FCHSD2: variants seen among roughly 807,000 people sequenced by gnomAD.
FCHSD2 encodes the protein F-BAR and double SH3 domains protein 2.
In FCHSD2, 38 loss-of-function variants were observed where a neutral mutation model predicts 108.1. The ratio of observed to expected loss-of-function variants is 0.35; its 90% confidence interval spans 0.27 to 0.46. The LOEUF is 0.46. Ranked by LOEUF, FCHSD2 falls within the 20% of genes least tolerant of loss-of-function variation. The pLI is 1.00. For missense variants in FCHSD2, 751 were observed against 897.8 expected, an observed-to-expected ratio of 0.84 and a Z score of 2.09; for synonymous variants, 279 against 314.7, an observed-to-expected ratio of 0.89 and a Z score of 1.20.
chr11:73,048,042 C>T (rs2135471994), intron 3 of FCHSD2, among the ~76,000 whole-genome samples: 1 of 151,532 alleles, frequency 6.6e-6, no homozygotes, highest in African/African-American at 2.4e-5. Flanking sequence ...ACTGTGAAAA[C>T]ATGAGTTATT....
At chr11:72,885,206 T>A (rs2135241616) in intron 12 of FCHSD2, among the ~76,000 whole-genome samples, 1 of 133,024 alleles carries the variant, frequency 7.5e-6, no homozygotes, top group South Asian at 2.7e-4. Context: ...TTACTTAGGC[T>A]ATTTTTTGTA....
intron 10 of FCHSD2, among the ~76,000 whole-genome samples, chr11:72,890,768 T>C (rs1426477569): frequency 2.0e-5 from 3 of 152,072 alleles, no homozygotes; most frequent in East Asian, 3.9e-4. Flanking sequence ...CTGGATGTCC[T>C]AGATGTTAAA....
chr11:73,059,659 G>C (rs1478055177), intron 3 of FCHSD2, among the ~76,000 whole-genome samples: 1 of 152,112 alleles, frequency 6.6e-6, no homozygotes, highest in African/African-American at 2.4e-5. Context: ...GGTACCAAAT[G>C]AAGTCCTGAG....
chr11:73,134,153 T>C (rs904278991), intron 2 of FCHSD2, among the ~76,000 whole-genome samples: 3 of 151,466 alleles, frequency 2.0e-5, no homozygotes, highest in South Asian at 4.2e-4. Context: ...TCTTTCTAGA[T>C]ACAACAGTCT....
At chr11:72,860,956 G>GA (rs1279755784) in intron 13 of FCHSD2, among the ~76,000 whole-genome samples, 4 of 152,030 alleles carry the variant, frequency 2.6e-5, no homozygotes, top group African/African-American at 9.7e-5. Context: ...TCAAAAAGAA[G>GA]AAAACTCTCA....
chr11:73,108,540 T>G (rs1438135576), intron 2 of FCHSD2, among the ~76,000 whole-genome samples: 1 of 138,132 alleles, frequency 7.2e-6, no homozygotes, highest in Non-Finnish European at 1.6e-5. Flanking sequence ...AGATTGAGAT[T>G]TTAGATTTAA....
intron 8 of FCHSD2, among the ~76,000 whole-genome samples, chr11:72,966,112 C>A (rs936862709): frequency 6.6e-6 from 1 of 150,924 alleles, no homozygotes; most frequent in African/African-American, 2.4e-5. Flanking sequence ...GTGATGGATA[C>A]ATCTACAGGG....
intron 2 of FCHSD2, among the ~76,000 whole-genome samples, chr11:73,085,636 A>C (rs1023121031): frequency 6.6e-6 from 1 of 152,174 alleles, no homozygotes; most frequent in Non-Finnish European, 1.5e-5. Context: ...GGTTCACAAA[A>C]GACTTCAGAA....
chr11:73,057,575 T>C (rs1393649025), intron 3 of FCHSD2, among the ~76,000 whole-genome samples: 1 of 152,058 alleles, frequency 6.6e-6, no homozygotes, highest in Non-Finnish European at 1.5e-5. Context: ...AACATCTATA[T>C]AAGGAATATT....
intron 12 of FCHSD2, among the ~76,000 whole-genome samples, chr11:72,876,516 A>T (rs778101459): frequency 6.6e-6 from 1 of 152,194 alleles, no homozygotes; most frequent in African/African-American, 2.4e-5. Context: ...TTTTAATATA[A>T]GCCTAATTAA....
chr11:73,041,193 G>A (rs1048385357), intron 3 of FCHSD2, among the ~76,000 whole-genome samples: 7 of 152,234 alleles, frequency 4.6e-5, no homozygotes, highest in Middle Eastern at 3.4e-3. Flanking sequence ...ACAAACTTGG[G>A]GGTGCAGATA....
chr11:73,105,188 A>T (rs1860313380), intron 2 of FCHSD2, among the ~76,000 whole-genome samples: 1 of 152,218 alleles, frequency 6.6e-6, no homozygotes, highest in Non-Finnish European at 1.5e-5. Context: ...AGCTCTGGTT[A>T]GGTGGGGGGA....
At chr11:72,962,481 G>C (rs1856834386) in intron 8 of FCHSD2, among the ~76,000 whole-genome samples, 1 of 152,136 alleles carries the variant, frequency 6.6e-6, no homozygotes, top group African/African-American at 2.4e-5. Flanking sequence ...TCTGGTATAA[G>C]CGATTGATAT....
intron 5 of FCHSD2, among the ~76,000 whole-genome samples, chr11:72,992,218 C>A (rs1256652579): frequency 6.6e-6 from 1 of 152,072 alleles, no homozygotes. Flanking sequence ...ATGTGAAGGA[C>A]CTCTTCAAGG....
chr11:72,856,465 C>T (rs1861431747), intron 13 of FCHSD2, among the ~76,000 whole-genome samples: 1 of 152,114 alleles, frequency 6.6e-6, no homozygotes, highest in Admixed American at 6.6e-5. Flanking sequence ...TCAAAATGTC[C>T]TTCTGTATCC....
intron 3 of FCHSD2, among the ~76,000 whole-genome samples, chr11:73,041,662 AC>A (rs1858642409): frequency 6.6e-6 from 1 of 152,134 alleles, no homozygotes; most frequent in Admixed American, 6.6e-5. Flanking sequence ...TTAAACGAAT[AC>A]TTGCAAATAC....
chr11:73,015,854 T>C lies in FCHSD2; in HGVS notation c.197A>G (p.Lys66Arg). 6.2e-7 allele frequency: 1 copy of C among 1,606,224 alleles called. No individual in the cohort carries two copies. Reference sequence around the variant, plus strand: ...AGCTTTTACTCCAGGCCAATCTCTCTTCAGGTATTGACTAGCCAACTTCTG... The same window carrying C: ...AGCTTTTACTCCAGGCCAATCTCTCCTCAGGTATTGACTAGCCAACTTCTG... ...GMQKLASQYL[K>R]RDWPGVKADD... The change falls in exon 4 of 20, where the codon AAG (lysine) becomes AGG (arginine). Residue 66 changes from lysine (K) to arginine (R), a missense_variant. Coordinates refer to ENST00000409418, the MANE Select transcript of FCHSD2 (RefSeq NM_014824.3).
chr11:72,954,630 T>C (rs188561646), intron 8 of FCHSD2, among the ~76,000 whole-genome samples: 14 of 152,156 alleles, frequency 9.2e-5, no homozygotes, highest in Non-Finnish European at 1.6e-4. Flanking sequence ...ATTACTGAAA[T>C]TGGGAAGATC....
intron 5 of FCHSD2, among the ~76,000 whole-genome samples, chr11:72,995,052 T>C (rs1344515746): frequency 6.6e-6 from 1 of 152,208 alleles, no homozygotes; most frequent in African/African-American, 2.4e-5. Flanking sequence ...CTTTTTGGGA[T>C]ATTTAGTACA....
Sources: allele counts gnomAD v4.1 joint callset (sites outside exome capture counted in the v4.1 genomes callset), GRCh38; gene constraint gnomAD v4.1.1; transcripts MANE v1.5; gene names NCBI Gene and HGNC (gene_info 2026-07-23, HGNC 2026-07-21).